The following PEAK1 variants were observed in gnomAD, a reference collection of about 807,000 sequenced individuals.
PEAK1 encodes pseudopodium enriched atypical kinase 1.
PEAK1 carries 54 observed loss-of-function variants against 124.7 expected under a neutral mutation model. The ratio of observed to expected loss-of-function variants is 0.43; its 90% CI spans 0.35 to 0.54. The LOEUF (loss-of-function observed/expected upper bound fraction) is 0.54. Among genes scored for constraint, PEAK1 ranks in the 20% least tolerant of loss-of-function variants. The probability of loss-of-function intolerance (pLI) is 0.01; values close to 1 mark genes in which losing one functional copy is unlikely to be tolerated. For missense variants in PEAK1, 2,046 were observed against 2,134.5 expected (o/e 0.96, Z 0.82); for synonymous variants, 719 against 760.0 (o/e 0.95, Z 0.89).
intron 5 of PEAK1, among the ~76,000 whole-genome samples, chr15:77,268,012 A>ACAC (rs1370768008): frequency 2.0e-5 from 3 of 152,214 alleles, no homozygotes; most frequent in Non-Finnish European, 2.9e-5. Context: ...AGCATAAATA[A>ACAC]AAACTAATCA....
chr15:77,341,925 A>T (rs1176714783), intron 2 of PEAK1, among the ~76,000 whole-genome samples: 1 of 152,118 alleles, frequency 6.6e-6, no homozygotes, highest in Non-Finnish European at 1.5e-5. Flanking sequence ...TCTAAAACTG[A>T]TCTAAAAATT....
At chr15:77,308,185 G>A (rs188090684) in intron 2 of PEAK1, among the ~76,000 whole-genome samples, 2 of 152,164 alleles carry the variant, frequency 1.3e-5, no homozygotes, top group Admixed American at 6.5e-5. Context: ...TAAGCAGTTT[G>A]AAGTACTAGA....
chr15:77,402,226 A>G (rs1389443779), intron 1 of PEAK1: 2 of 984,486 alleles, frequency 2.0e-6, no homozygotes, highest in Non-Finnish European at 2.4e-6. Flanking sequence ...AAGTACAACA[A>G]CAAACAGTAA....
At chr15:77,311,300 T>G (rs977909918) in intron 2 of PEAK1, among the ~76,000 whole-genome samples, 2 of 152,160 alleles carry the variant, frequency 1.3e-5, no homozygotes, top group African/African-American at 4.8e-5. Context: ...CAGCTCTAAG[T>G]CTTAATTAAG....
intron 8 of PEAK1, among the ~76,000 whole-genome samples, chr15:77,140,033 A>C (rs2053647861): frequency 6.6e-6 from 1 of 152,190 alleles, no homozygotes; most frequent in African/African-American, 2.4e-5. Flanking sequence ...AATATTTACT[A>C]CTGAAAGACA....
At position 77,278,743 on chromosome 15, in the gene PEAK1, G is replaced by A. The variant is rs148848946; in HGVS notation, c.-275+5140C>T. 5.5e-4 allele frequency: 267 copies of A among 486,914 alleles called. 1 individual carries two copies. In the East Asian group the frequency reaches 9.9e-3, roughly 18 times the overall value. The allele number at this position is 486,914 out of a possible 1,614,324, so 30.2% of individuals were successfully genotyped here. A position where few individuals can be genotyped will look rare whatever the true frequency, so the allele number is the denominator to read the frequency against. On this transcript the variant is annotated intron_variant, in intron 5 of 9. Coordinates refer to ENST00000682557, the MANE Select transcript of PEAK1 (RefSeq NM_001385026.1). The stretch of plus-strand genomic sequence containing the variant: ...GTGCTGGAGATGCCAAGTGAAGCAC[G>A]TGCATTTTTGATAACTGTGTACTTC...
rs768968973 is a variant in PEAK1 at position 77,180,392 on chromosome 15, G to C, written c.1535C>G (p.Ser512Cys). Residue 512 changes from serine (S) to cysteine (C), a missense_variant, in exon 7 of 10, where the codon TCT becomes TGT. Ser to Cys is a moderately radical substitution (Grantham distance 112). Transcript: ENST00000682557. ...SSTPNSPVTSSSLTPGQISAH... is the reference protein window; with the variant it reads ...SSTPNSPVTSCSLTPGQISAH... The stretch of plus-strand genomic sequence containing the variant: ...ACTTATTTGTCCTGGTGTCAATGAA[G>C]ATGATGTAACTGGAGAGTTTGGAGT... The C allele has an allele frequency of 1.9e-6, 3 of 1,614,170 alleles. No individual in the cohort carries two copies. The highest frequency in any genetic ancestry group is 2.5e-6 in the Non-Finnish European group (3 of 1,180,014).
At chr15:77,277,093 AAAAC>A (rs2062370101) in intron 5 of PEAK1, among the ~76,000 whole-genome samples, 3 of 152,342 alleles carry the variant, frequency 2.0e-5, no homozygotes, top group South Asian at 2.1e-4. Context: ...GAAAGCCAGA[AAAAC>A]AAACAAACTG....
intron 6 of PEAK1, among the ~76,000 whole-genome samples, chr15:77,209,020 A>G (rs1286193698): frequency 6.6e-6 from 1 of 152,210 alleles, no homozygotes. Flanking sequence ...AAGTTAGGGA[A>G]GATTTGTCTA....
In PEAK1 at chr15:77,380,199, T is replaced by A. The variant is rs552428884; in HGVS notation, c.-665-14974A>T. Among the ~76,000 whole-genome samples the A allele has an allele frequency of 4.3e-4, 66 of 152,276 alleles. 1 individual carries two copies. The South Asian group carries it at 0.013, about 30-fold the overall frequency. On this transcript the variant is annotated intron_variant, in intron 1 of 9. Coordinates refer to ENST00000682557, the MANE Select transcript of PEAK1 (RefSeq NM_001385026.1). Reference sequence around the variant, plus strand: ...ATCAATACTGGCCTGGGAGCTAGAATCGGTCAATAGCATGACCTGCCCTGG... The same window carrying A: ...ATCAATACTGGCCTGGGAGCTAGAAACGGTCAATAGCATGACCTGCCCTGG...
chr15:77,214,779 AGAAGT>A (rs1366780646), intron 6 of PEAK1, among the ~76,000 whole-genome samples: 1 of 152,096 alleles, frequency 6.6e-6, no homozygotes, highest in East Asian at 1.9e-4. Flanking sequence ...CAGGAGAGAG[AGAAGT>A]GAAGATGAAG....
At chr15:77,291,347 T>TGC (rs1423371271) in intron 2 of PEAK1, among the ~76,000 whole-genome samples, 2 of 152,224 alleles carry the variant, frequency 1.3e-5, no homozygotes, top group Non-Finnish European at 2.9e-5. Flanking sequence ...CAGATATAAA[T>TGC]GCACACACAC....
In PEAK1 at chr15:77,418,682, G is replaced by T. The variant is rs918872353; in HGVS notation, c.-666+1324C>A. 9.1e-6 allele frequency: 9 copies of T among 985,300 alleles called. No homozygotes were observed. In the South Asian group the frequency reaches 4.2e-4, roughly 46 times the overall value. 61.0% of individuals were successfully genotyped at this position (985,300 alleles called of 1,614,324 possible). ...CTATCTAGAAATGCTCTGAGATTAC[G>T]AGAGAAGCCATCATGAAGTGAGTAT... On this transcript the variant is annotated intron_variant, in intron 1 of 9. Transcript: ENST00000682557.
intron 1 of PEAK1, chr15:77,371,301 T>C (rs1567319015): frequency 2.2e-6 from 2 of 924,398 alleles, no homozygotes; most frequent in African/African-American, 1.8e-5. Context: ...TGGAACATAA[T>C]ATATATTTCA....
At chr15:77,334,462 T>C (rs2066072682) in intron 2 of PEAK1, 8 of 985,258 alleles carry the variant, frequency 8.1e-6, no homozygotes, top group Non-Finnish European at 8.4e-6. Context: ...TTCCGAGAAG[T>C]AGAGGAGATT....
intron 7 of PEAK1, among the ~76,000 whole-genome samples, chr15:77,176,272 G>C (rs1449784071): frequency 1.2e-5 from 1 of 83,858 alleles, no homozygotes; most frequent in East Asian, 3.1e-4. Flanking sequence ...AAAAAAAAAA[G>C]AAAAGAAAAA....
rs904589388 is a variant in PEAK1, at chr15:77,335,510, T to C, written c.-603+29653A>G. The stretch of plus-strand genomic sequence containing the variant: ...CTACTTTGTTTCAAGAGACAGGGTC[T>C]GGCTTGTTGCCCAGGTTGGATCACA... On this transcript the variant is annotated intron_variant, in intron 2 of 9. Coordinates refer to ENST00000682557, the MANE Select transcript of PEAK1 (RefSeq NM_001385026.1). 9 of 984,530 alleles carry C rather than the reference T, an allele frequency of 9.1e-6. No individual in the cohort carries two copies. The Admixed American group carries it at 1.8e-4, about 20-fold the overall frequency. The allele number at this position is 984,530 out of a possible 1,614,324, so 61.0% of individuals were successfully genotyped here.
intron 6 of PEAK1, among the ~76,000 whole-genome samples, chr15:77,242,000 TATA>T (rs1379667000): frequency 1.3e-5 from 2 of 152,102 alleles, no homozygotes; most frequent in African/African-American, 4.8e-5. Flanking sequence ...AATATTTTTC[TATA>T]ATATTTCAAA....
intron 5 of PEAK1, among the ~76,000 whole-genome samples, chr15:77,273,420 C>T (rs541583090): frequency 7.2e-4 from 110 of 152,252 alleles, no homozygotes; most frequent in African/African-American, 2.5e-3. Context: ...AGCAAAGTTT[C>T]AGGATACAAA....
Sources: allele counts gnomAD v4.1 joint callset (sites outside exome capture counted in the v4.1 genomes callset), GRCh38; gene constraint gnomAD v4.1.1; transcripts MANE v1.5; gene names NCBI Gene and HGNC (gene_info 2026-07-23, HGNC 2026-07-21).